UNC5C: variants seen among roughly 807,000 people sequenced by gnomAD.
The protein encoded by UNC5C is unc-5 netrin receptor C.
A neutral mutation model predicts 99.8 loss-of-function variants in UNC5C; 47 were observed. The ratio of observed to expected loss-of-function variants is 0.47; its 90% confidence interval spans 0.37 to 0.60. The LOEUF is 0.60. Among genes scored for constraint, UNC5C ranks in the 20% least tolerant of loss-of-function variants. The probability of loss-of-function intolerance (pLI) is 0.00; values close to 1 mark genes in which losing one functional copy is unlikely to be tolerated. For synonymous variants in UNC5C, 487 were observed against 452.2 expected, an observed-to-expected ratio of 1.08 and a Z score of -0.98; for missense variants, 1,062 against 1,165.9, an observed-to-expected ratio of 0.91 and a Z score of 1.30.
rs559918357 is a variant in UNC5C at position 95,169,482 on chromosome 4, C to T, written c.2631-83G>A. The stretch of plus-strand genomic sequence containing the variant: ...TCAGCTAAACCTTTCTGTCTCTCTA[C>T]TTGTCTTTAAGTTTCCTGGTCCCAT... On this transcript the variant is annotated intron_variant, in intron 15 of 15. Transcript: ENST00000453304. 2.7e-6 allele frequency: 4 copies of T among 1,491,566 alleles called. No individual in the cohort carries two copies. In the African/African-American group the frequency reaches 5.6e-5, roughly 21 times the overall value. The allele number at this position is 1,491,566 out of a possible 1,614,324, so 92.4% of individuals were successfully genotyped here. A position where few individuals can be genotyped will look rare whatever the true frequency, so the allele number is the denominator to read the frequency against.
At position 95,170,865 on chromosome 4, in the gene UNC5C, T is replaced by C. The variant is rs79629145; in HGVS notation, c.2452-533A>G. On this transcript the variant is annotated intron_variant, in intron 14 of 15. Coordinates refer to ENST00000453304, the MANE Select transcript of UNC5C (RefSeq NM_003728.4). ...TGCTTTTGTTGAATGAACTGGAACA[T>C]AGCTCTCCTCTAAATGATATCAACT... Among the ~76,000 whole-genome samples, 115 of 152,356 alleles carry C rather than the reference T, an allele frequency of 7.5e-4. No homozygotes were observed. The Middle Eastern group carries it at 0.014, about 18-fold the overall frequency.
chr4:95,449,070 A>G (rs1014460847), intron 1 of UNC5C, among the ~76,000 whole-genome samples: 8 of 152,118 alleles, frequency 5.3e-5, no homozygotes, highest in African/African-American at 1.7e-4. Flanking sequence ...ACTGGGAAAA[A>G]AAAAACAAAT....
At chr4:95,440,554 T>G (rs542845476) in intron 1 of UNC5C, among the ~76,000 whole-genome samples, 1 of 152,270 alleles carries the variant, frequency 6.6e-6, no homozygotes, top group South Asian at 2.1e-4. Flanking sequence ...CTTACTTCTT[T>G]CCACTCAAAA....
At chr4:95,392,155 A>C (rs1270791947) in intron 1 of UNC5C, among the ~76,000 whole-genome samples, 1 of 152,188 alleles carries the variant, frequency 6.6e-6, no homozygotes, top group Non-Finnish European at 1.5e-5. Flanking sequence ...AGAAAAGCTA[A>C]CCTTAAAAAC....
At chr4:95,344,017 G>A (rs1743677207) in intron 1 of UNC5C, among the ~76,000 whole-genome samples, 1 of 152,040 alleles carries the variant, frequency 6.6e-6, no homozygotes, top group Admixed American at 6.6e-5. Context: ...TATAAAGGTA[G>A]AAAGTTTATT....
intron 10 of UNC5C, among the ~76,000 whole-genome samples, chr4:95,210,436 G>C (rs1455926940): frequency 6.6e-6 from 1 of 152,182 alleles, no homozygotes; most frequent in Non-Finnish European, 1.5e-5. Flanking sequence ...ACTAAGGTCA[G>C]AGTGTGTAAC....
At chr4:95,265,302 A>G (rs937305479) in intron 4 of UNC5C, among the ~76,000 whole-genome samples, 3 of 152,168 alleles carry the variant, frequency 2.0e-5, no homozygotes, top group Non-Finnish European at 4.4e-5. Context: ...AAAAAACATA[A>G]TAAGTGCTGA....
chr4:95,342,555 G>GTCTTCATA, intron 1 of UNC5C, among the ~76,000 whole-genome samples: 1 of 151,962 alleles, frequency 6.6e-6, no homozygotes, highest in Non-Finnish European at 1.5e-5. Flanking sequence ...ACTCAGAGAC[G>GTCTTCATA]TGCTGGCTTC....
intron 12 of UNC5C, among the ~76,000 whole-genome samples, chr4:95,190,299 A>T (rs1201489695): frequency 7.8e-6 from 1 of 128,160 alleles, no homozygotes; most frequent in Non-Finnish European, 1.6e-5. Flanking sequence ...ATGAGAACAC[A>T]GGGACACAGG....
In UNC5C at chr4:95,221,439, G is replaced by A. The variant is rs76321614; in HGVS notation, c.1109-1263C>T. On this transcript the variant is annotated intron_variant, in intron 7 of 15. Transcript: ENST00000453304. Reference sequence around the variant, plus strand: ...ACGCTCACAGCCACATGGTTTACATGGTGAAATAACTCATCATTTCATTTG... The same window carrying A: ...ACGCTCACAGCCACATGGTTTACATAGTGAAATAACTCATCATTTCATTTG... Among the ~76,000 whole-genome samples the A allele has an allele frequency of 2.5e-3, 377 of 152,172 alleles. 3 individuals are homozygous for A. Among genetic ancestry groups the A allele is most frequent in the African/African-American group, 8.4e-3 (350 of 41,512 alleles).
At chr4:95,395,149 G>A (rs1745475455) in intron 1 of UNC5C, among the ~76,000 whole-genome samples, 2 of 152,138 alleles carry the variant, frequency 1.3e-5, no homozygotes, top group Non-Finnish European at 2.9e-5. Flanking sequence ...GTATAAAGGT[G>A]GGCCCATATT....
At chr4:95,519,689 G>T (rs11932902) in intron 1 of UNC5C, among the ~76,000 whole-genome samples, 3,126 of 152,278 alleles carry the variant, frequency 0.021, 118 homozygotes, top group African/African-American at 0.07. Flanking sequence ...TTAATTGGAA[G>T]AGTAATCAAT....
intron 7 of UNC5C, among the ~76,000 whole-genome samples, chr4:95,234,253 G>C (rs924075352): frequency 3.3e-5 from 5 of 151,958 alleles, no homozygotes; most frequent in Non-Finnish European, 7.4e-5. Flanking sequence ...AGTACAACTG[G>C]TCTTCCAATA....
chr4:95,188,151 G>T (rs575336635), intron 12 of UNC5C, among the ~76,000 whole-genome samples: 10 of 152,130 alleles, frequency 6.6e-5, no homozygotes, highest in Admixed American at 4.6e-4. Flanking sequence ...ACTGGGCCTG[G>T]GGTGTGTAAA....
chr4:95,513,437 T>C (rs1005032922), intron 1 of UNC5C, among the ~76,000 whole-genome samples: 3 of 152,178 alleles, frequency 2.0e-5, no homozygotes, highest in East Asian at 3.9e-4. Flanking sequence ...TGAAATCTTT[T>C]AGAAACATAA....
intron 2 of UNC5C, 42 bp from the exon 3 acceptor site, chr4:95,301,791 A>G (rs767551964): frequency 3.1e-6 from 5 of 1,594,260 alleles, no homozygotes; most frequent in Non-Finnish European, 4.3e-6. Flanking sequence ...CACAAGATTC[A>G]TACTAAAGAA....
chr4:95,468,721 C>A (rs1222590978), intron 1 of UNC5C, among the ~76,000 whole-genome samples: 1 of 152,074 alleles, frequency 6.6e-6, no homozygotes, highest in Non-Finnish European at 1.5e-5. Context: ...GTTTAATGAG[C>A]CTTAAAGGTC....
intron 7 of UNC5C, among the ~76,000 whole-genome samples, chr4:95,224,207 T>G (rs1372059554): frequency 1.3e-5 from 2 of 152,142 alleles, no homozygotes. Flanking sequence ...CACTTGAGAC[T>G]GGGAGGCGGA....
chr4:95,372,960 C>A (rs966523177), intron 1 of UNC5C, among the ~76,000 whole-genome samples: 2 of 152,106 alleles, frequency 1.3e-5, no homozygotes, highest in African/African-American at 4.8e-5. Flanking sequence ...AAAAACAATA[C>A]AAGGTTGTAG....
Sources: gnomAD v4.1 joint callset for allele counts (sites outside exome capture counted in the v4.1 genomes callset) on GRCh38, gnomAD v4.1.1 for gene constraint, MANE v1.5 for transcripts, NCBI Gene and HGNC (gene_info 2026-07-23, HGNC 2026-07-21) for gene names.